ASIC2: variants seen among roughly 807,000 people sequenced by gnomAD.
The protein encoded by ASIC2 is acid-sensing ion channel 2.
ASIC2 carries 25 observed loss-of-function variants against 57.3 expected under a neutral mutation model. The ratio of observed to expected loss-of-function variants is 0.44; its 90% CI spans 0.32 to 0.61. ASIC2 has a LOEUF of 0.61. Ranked by LOEUF, ASIC2 falls within the 20% of genes least tolerant of loss-of-function variation. The pLI is 0.06. For synonymous variants in ASIC2, 319 were observed against 307.5 expected, an observed-to-expected ratio of 1.04 and a Z score of -0.39; for missense variants, 641 against 738.1, an observed-to-expected ratio of 0.87 and a Z score of 1.52.
chr17:33,443,389 G>A (rs1911892681), intron 1 of ASIC2, among the ~76,000 whole-genome samples: 1 of 136,376 alleles, frequency 7.3e-6, no homozygotes, highest in Non-Finnish European at 1.6e-5. Context: ...CTTTTTTTAT[G>A]TATGGTGGAG....
At position 33,720,739 on chromosome 17, in the gene ASIC2, GA is replaced by G. The variant is rs202169252; in HGVS notation, c.555+435238del. Among the ~76,000 whole-genome samples, 20 of 152,348 alleles carry G rather than the reference GA, an allele frequency of 1.3e-4. No homozygotes were observed. In the East Asian group the frequency reaches 3.9e-3, roughly 29 times the overall value. The stretch of plus-strand genomic sequence containing the variant: ...TGCGGTTCAATAAACATCCAACACA[GA>G]CCAACACAGAAATAATGCTTGTGAC... On this transcript the variant is annotated intron_variant, in intron 1 of 9. Coordinates refer to the ASIC2 transcript ENST00000359872.
At chr17:33,043,335 G>C (rs1056739631) in intron 3 of ASIC2, among the ~76,000 whole-genome samples, 1 of 152,234 alleles carries the variant, frequency 6.6e-6, no homozygotes, top group African/African-American at 2.4e-5. Context: ...CTGGCTGGGG[G>C]TCAGGGGACA....
At chr17:33,799,867 G>A (rs1035202205) in intron 1 of ASIC2, among the ~76,000 whole-genome samples, 3 of 152,090 alleles carry the variant, frequency 2.0e-5, no homozygotes, top group Non-Finnish European at 4.4e-5. Context: ...CAACCTGCAC[G>A]GCCAACCACT....
intron 1 of ASIC2, among the ~76,000 whole-genome samples, chr17:33,752,125 C>T (rs1910454299): frequency 6.6e-6 from 1 of 152,078 alleles, no homozygotes; most frequent in African/African-American, 2.4e-5. Flanking sequence ...TAGAGACTGA[C>T]CCAGGAACAC....
intron 1 of ASIC2, among the ~76,000 whole-genome samples, chr17:33,799,108 G>T (rs1283750389): frequency 6.6e-6 from 1 of 152,208 alleles, no homozygotes; most frequent in Admixed American, 6.5e-5. Flanking sequence ...CTCCAACTTA[G>T]TTCTTTCTGC....
intron 1 of ASIC2, among the ~76,000 whole-genome samples, chr17:34,136,286 A>T (rs1912123203): frequency 6.6e-6 from 1 of 152,234 alleles, no homozygotes; most frequent in African/African-American, 2.4e-5. Context: ...GGCCCTGCAA[A>T]GCCATCTCTT....
intron 1 of ASIC2, among the ~76,000 whole-genome samples, chr17:33,418,747 C>A (rs1414976829): frequency 6.6e-6 from 1 of 152,100 alleles, no homozygotes; most frequent in African/African-American, 2.4e-5. Context: ...GGTACCAGTA[C>A]CATGCAGTTT....
chr17:33,020,119 T>A (rs991685246), intron 7 of ASIC2, among the ~76,000 whole-genome samples: 23 of 151,778 alleles, frequency 1.5e-4, no homozygotes, highest in Admixed American at 1.3e-3. Context: ...TGGTGGGGAG[T>A]CCCCAGCCTC....
intron 1 of ASIC2, among the ~76,000 whole-genome samples, chr17:33,598,751 C>T (rs1363940469): frequency 6.6e-6 from 1 of 152,158 alleles, no homozygotes; most frequent in Non-Finnish European, 1.5e-5. Context: ...CAGTGCTGGG[C>T]TGTAAGACAT....
chr17:33,240,745 CGTG>C (rs1321067139), intron 1 of ASIC2, among the ~76,000 whole-genome samples: 1 of 152,098 alleles, frequency 6.6e-6, no homozygotes, highest in African/African-American at 2.4e-5. Context: ...CTGCGGGGTC[CGTG>C]CCCTGCTGGT....
intron 1 of ASIC2, among the ~76,000 whole-genome samples, chr17:33,612,768 A>G (rs942332778): frequency 1.3e-5 from 2 of 152,264 alleles, no homozygotes; most frequent in Admixed American, 1.3e-4. Flanking sequence ...CTGAGTCACC[A>G]TATGGACGAG....
chr17:34,099,221 A>G lies in ASIC2; in HGVS notation c.555+56757T>C, dbSNP rs113436388. Among the ~76,000 whole-genome samples the G allele has an allele frequency of 3.7e-4, 39 of 104,034 alleles. 1 individual carries two copies. Among genetic ancestry groups the G allele is most frequent in the African/African-American group, 2.3e-4 (4 of 17,308 alleles). The allele number at this position is 104,034 out of a possible 152,430, so 68.3% of individuals were successfully genotyped here. ...GAAAGAAAGAAAGAAAGGAAAGAAA[A>G]GAAAGAAAAAAGAAAGAGAGAAAGG... On this transcript the variant is annotated intron_variant, in intron 1 of 9. Coordinates refer to the ASIC2 transcript ENST00000359872.
intron 1 of ASIC2, among the ~76,000 whole-genome samples, chr17:33,239,477 A>G (rs2142117675): frequency 6.6e-6 from 1 of 152,312 alleles, no homozygotes; most frequent in South Asian, 2.1e-4. Context: ...TTATGGCTTA[A>G]GTGAAAACTC....
At chr17:33,134,169 T>G (rs1422814628) in intron 1 of ASIC2, among the ~76,000 whole-genome samples, 1 of 152,216 alleles carries the variant, frequency 6.6e-6, no homozygotes, top group Non-Finnish European at 1.5e-5. Context: ...TTTCTCTAAG[T>G]GACTTGGTGT....
intron 1 of ASIC2, among the ~76,000 whole-genome samples, chr17:33,782,762 T>C (rs894749872): frequency 6.6e-6 from 1 of 152,144 alleles, no homozygotes; most frequent in African/African-American, 2.4e-5. Flanking sequence ...AATAAAAATA[T>C]GAGCTGATCA....
intron 1 of ASIC2, among the ~76,000 whole-genome samples, chr17:33,823,652 C>T (rs940171241): frequency 6.6e-6 from 1 of 152,204 alleles, no homozygotes; most frequent in Non-Finnish European, 1.5e-5. Context: ...TTCGCCAAAC[C>T]TTTGGTCTCT....
At chr17:33,854,146 G>A (rs1913850823) in intron 1 of ASIC2, among the ~76,000 whole-genome samples, 1 of 152,192 alleles carries the variant, frequency 6.6e-6, no homozygotes, top group African/African-American at 2.4e-5. Context: ...ATGGGGTAAG[G>A]AGGAGGCACA....
At chr17:33,204,419 C>T (rs1003943490) in intron 1 of ASIC2, among the ~76,000 whole-genome samples, 43 of 152,180 alleles carry the variant, frequency 2.8e-4, no homozygotes, top group African/African-American at 1.0e-3. Context: ...CTGCCACCCC[C>T]GGGAGTCAGG....
chr17:33,442,288 C>T (rs1488331088), intron 1 of ASIC2, among the ~76,000 whole-genome samples: 1 of 152,166 alleles, frequency 6.6e-6, no homozygotes, highest in Non-Finnish European at 1.5e-5. Context: ...ATAAATTTTA[C>T]AATCAGCTTG....
Sources: gnomAD v4.1 joint callset for allele counts (sites outside exome capture counted in the v4.1 genomes callset) on GRCh38, gnomAD v4.1.1 for gene constraint, MANE v1.5 for transcripts, NCBI Gene and HGNC (gene_info 2026-07-23, HGNC 2026-07-21) for gene names.